Variants in ATP2C2 observed in about 807,000 individuals in gnomAD.
ATP2C2 encodes ATPase secretory pathway Ca2+ transporting 2.
A neutral mutation model predicts 110.8 loss-of-function variants in ATP2C2; 171 were observed. That is an observed-to-expected ratio of 1.54 (90% CI 1.36 to 1.75). The LOEUF is 1.75. Among genes scored for constraint, ATP2C2 ranks in the 40% most tolerant of loss-of-function variants. The pLI is 0.00. For synonymous variants in ATP2C2, 804 were observed against 508.4 expected (o/e 1.58, Z -7.82); for missense variants, 1,963 against 1,235.0 (o/e 1.59, Z -8.84).
chr16:84,454,443 A>C (rs1910599935), intron 20 of ATP2C2, among the ~76,000 whole-genome samples: 1 of 152,190 alleles, frequency 6.6e-6, no homozygotes, highest in Non-Finnish European at 1.5e-5. Context: ...TACTCCTCAA[A>C]GAAGGTAGTA....
At chr16:84,412,253 T>C (rs1038860482) in intron 6 of ATP2C2, among the ~76,000 whole-genome samples, 1 of 147,990 alleles carries the variant, frequency 6.8e-6, no homozygotes, top group Non-Finnish European at 1.5e-5. Context: ...CCTGATTGTG[T>C]ATGTGTGTGT....
chr16:84,437,300 C>T (rs1459012212), intron 11 of ATP2C2, among the ~76,000 whole-genome samples: 2 of 151,936 alleles, frequency 1.3e-5, no homozygotes, highest in Non-Finnish European at 2.9e-5. Flanking sequence ...CTCAAGTGAT[C>T]CTCCTACCTC....
intron 3 of ATP2C2, among the ~76,000 whole-genome samples, 154 bp from the exon 4 acceptor site, chr16:84,408,250 TG>T (rs566837290): frequency 2.1e-3 from 315 of 152,272 alleles, no homozygotes; most frequent in Middle Eastern, 0.01. Context: ...GACCACTGCA[TG>T]GGGGTGGTCT....
intron 11 of ATP2C2, among the ~76,000 whole-genome samples, chr16:84,436,034 C>A (rs1244070170): frequency 6.6e-6 from 1 of 152,084 alleles, no homozygotes; most frequent in African/African-American, 2.4e-5. Context: ...GAGGCTGAGG[C>A]AGGAGAATTG....
intron 1 of ATP2C2, among the ~76,000 whole-genome samples, chr16:84,392,544 C>G (rs963338621): frequency 2.6e-5 from 4 of 152,126 alleles, no homozygotes; most frequent in African/African-American, 9.7e-5. Flanking sequence ...CTCACTGCAA[C>G]CTCTGCCTCC....
rs371486287 is a variant in ATP2C2 at position 84,464,054 on chromosome 16, G to A, written c.*322G>A. 52 of 219,458 alleles carry A rather than the reference G, an allele frequency of 2.4e-4. No homozygotes were observed. Among genetic ancestry groups the A allele is most frequent in the African/African-American group, 1.0e-3 (45 of 43,960 alleles). 13.6% of individuals were successfully genotyped at this position (219,458 alleles called of 1,614,324 possible). ...CAGCTTGCAGTGAGGCAGGCCACTC[G>A]TGGCAGATACAAGGGGCTCCTGAGA... On this transcript the variant is annotated 3_prime_UTR_variant, in exon 27 of 27. Coordinates refer to ENST00000262429, the MANE Select transcript of ATP2C2 (RefSeq NM_014861.4).
chr16:84,459,619 T>A, intron 23 of ATP2C2: 1 of 1,523,090 alleles, frequency 6.6e-7, no homozygotes, highest in Non-Finnish European at 8.8e-7. Context: ...CTGCTCCCTC[T>A]GCCTGGATGC....
intron 2 of ATP2C2, among the ~76,000 whole-genome samples, chr16:84,403,667 C>A (rs185982763): frequency 1.3e-5 from 2 of 152,050 alleles, no homozygotes; most frequent in African/African-American, 4.8e-5. Flanking sequence ...GTTGCACAAC[C>A]ATCGCCATTC....
intron 4 of ATP2C2, among the ~76,000 whole-genome samples, chr16:84,408,732 C>T (rs1355578019): frequency 6.6e-6 from 1 of 152,094 alleles, no homozygotes; most frequent in South Asian, 2.1e-4. Flanking sequence ...TTTGCTAGAG[C>T]AGTGTTGCAG....
Position 84,440,838 on chromosome 16 carries a change from C to T in ATP2C2, c.1210-19C>T. On this transcript the variant is annotated intron_variant, in intron 13 of 26. Coordinates refer to ENST00000262429, the MANE Select transcript of ATP2C2 (RefSeq NM_014861.4). Reference sequence around the variant, plus strand: ...TTTTTGACTCTTGGCGAAACCCTTTCTTCTGCCTCGCCCTGCAGGTCAGCG... The same window carrying T: ...TTTTTGACTCTTGGCGAAACCCTTTTTTCTGCCTCGCCCTGCAGGTCAGCG... The T allele has an allele frequency of 6.3e-7, 1 of 1,596,654 alleles. No individual in the cohort carries two copies.
At chr16:84,375,553 A>AG (rs1261128117) in intron 1 of ATP2C2, among the ~76,000 whole-genome samples, 3 of 151,600 alleles carry the variant, frequency 2.0e-5, no homozygotes, top group Non-Finnish European at 2.9e-5. Context: ...AAAAAAAAAA[A>AG]AAAGAAAGAA....
chr16:84,462,060 G>C lies in ATP2C2; in HGVS notation c.2653G>C (p.Gly885Arg). ...CTACTCCGTCCTGGGGTCCATCCTG[G>C]GGCAGCTGGCGGTCATTTACATCCC... ...FLYSVLGSIL[G>R]QLAVIYIPPL... Residue 885 changes from glycine (G) to arginine (R), a missense_variant, in exon 26 of 27, where the codon GGG becomes CGG. Gly to Arg is a moderately radical substitution (Grantham distance 125). Transcript: ENST00000262429. The C allele has an allele frequency of 1.2e-6, 2 of 1,614,018 alleles. No homozygotes were observed. The highest frequency in any genetic ancestry group is 1.7e-6 in the Non-Finnish European group (2 of 1,179,970).
chr16:84,439,705 G>T (rs1412698110), intron 13 of ATP2C2, among the ~76,000 whole-genome samples, 181 bp downstream of exon 13: 1 of 152,126 alleles, frequency 6.6e-6, no homozygotes, highest in Non-Finnish European at 1.5e-5. Context: ...CCTTTTAATA[G>T]ATATGACCAA....
intron 7 of ATP2C2, among the ~76,000 whole-genome samples, chr16:84,416,294 A>G (rs1483801660): frequency 6.6e-6 from 1 of 152,218 alleles, no homozygotes; most frequent in Non-Finnish European, 1.5e-5. Flanking sequence ...GGTTCCCAAG[A>G]GGTTACATCA....
At position 84,463,617 on chromosome 16, in the gene ATP2C2, T is replaced by C; in HGVS notation, c.2726T>C (p.Leu909Ser). 3 of 1,613,074 alleles carry C rather than the reference T, an allele frequency of 1.9e-6. No individual in the cohort carries two copies. Among genetic ancestry groups the C allele is most frequent in the South Asian group, 1.1e-5 (1 of 91,048 alleles). Residue 909 changes from leucine (L) to serine (S), a missense_variant, in exon 27 of 27, where the codon TTG (leucine) becomes TCG (serine). Physicochemically the swap from Leu to Ser is moderately radical, Grantham distance 145 (BLOSUM62 -2). Transcript: ENST00000262429. ...FQTENLGALD[L>S]LFLTGLASSV... The stretch of plus-strand genomic sequence containing the variant: ...TTTCTGTTTTCTCCCTTGGCAGATT[T>C]GCTGTTTTTAACTGGATTGGCCTCA...
chr16:84,463,275 C>G (rs534941950), intron 26 of ATP2C2, among the ~76,000 whole-genome samples: 12 of 152,054 alleles, frequency 7.9e-5, no homozygotes. Flanking sequence ...ACTGGTCACT[C>G]AGGACATTTG....
rs1909054506 is a variant in ATP2C2 at position 84,439,530 on chromosome 16, T to A, written c.1209+6T>A. On this transcript the variant is annotated splice_donor_region_variant and intron_variant, in intron 13 of 26. Transcript: ENST00000262429. ...CAGATGGGCTTCGTGCCGAGGTGAG[T>A]GCCAAAGGAATTTACAAGCCTTAAG... 1 of 1,613,474 alleles carries A rather than the reference T, an allele frequency of 6.2e-7. No individual in the cohort carries two copies.
At position 84,398,592 on chromosome 16, in the gene ATP2C2, T is replaced by G. The variant is rs941196273; in HGVS notation, c.193T>G (p.Leu65Val). 6.2e-7 allele frequency: 1 copy of G among 1,611,870 alleles called. No individual in the cohort carries two copies. The highest frequency in any genetic ancestry group is 8.5e-7 in the Non-Finnish European group (1 of 1,179,164). ...KEACKCQKED[L>V]ARAFCVDLHT... ...AGCGTGCAAATGCCAGAAAGAGGAT[T>G]TGGCCAGAGCGTTTTGTGTAAGAAT... is the stretch of plus-strand genomic sequence containing the variant. The change falls in exon 2 of 27, where the codon TTG (leucine) becomes GTG (valine). Residue 65 changes from leucine to valine, a missense_variant. Leu to Val is a conservative substitution (Grantham distance 32, BLOSUM62 1). Transcript: ENST00000262429.
chr16:84,414,865 G>A (rs897722998), intron 6 of ATP2C2, among the ~76,000 whole-genome samples: 1 of 152,134 alleles, frequency 6.6e-6, no homozygotes, highest in African/African-American at 2.4e-5. Context: ...TTTGGAGCAG[G>A]AGGGGGTTGG....
Sources: allele counts gnomAD v4.1 joint callset (sites outside exome capture counted in the v4.1 genomes callset), GRCh38; gene constraint gnomAD v4.1.1; transcripts MANE v1.5; gene names NCBI Gene and HGNC (gene_info 2026-07-23, HGNC 2026-07-21).